Variants in PLEKHA7 observed in about 807,000 individuals in gnomAD.
PLEKHA7 encodes pleckstrin homology domain-containing family A member 7.
PLEKHA7 carries 104 observed loss-of-function variants against 170.0 expected under a neutral mutation model. The observed-to-expected ratio is 0.61, with a 90% CI of 0.52 to 0.72. The LOEUF (loss-of-function observed/expected upper bound fraction) is 0.72. PLEKHA7 is among the 30% of genes least tolerant of loss of function. The pLI is 0.00. For missense variants in PLEKHA7, 1,615 were observed against 1,671.7 expected (o/e 0.97, Z 0.59); for synonymous variants, 648 against 660.8 (o/e 0.98, Z 0.30).
At chr11:16,901,992 C>T (rs1038330455) in intron 3 of PLEKHA7, among the ~76,000 whole-genome samples, 21 of 152,312 alleles carry the variant, frequency 1.4e-4, no homozygotes, top group African/African-American at 3.1e-4. Flanking sequence ...TACTCTCTAG[C>T]GATCACCCCA....
chr11:16,830,366 G>A (rs1422031882), intron 9 of PLEKHA7, among the ~76,000 whole-genome samples: 1 of 152,172 alleles, frequency 6.6e-6, no homozygotes, highest in Non-Finnish European at 1.5e-5. Flanking sequence ...GAAGGCTCCA[G>A]CTGCCCTCTG....
chr11:16,821,080 C>A (rs1225660543), intron 10 of PLEKHA7, among the ~76,000 whole-genome samples: 1 of 152,194 alleles, frequency 6.6e-6, no homozygotes, highest in South Asian at 2.1e-4. Flanking sequence ...TGCTCTGTGG[C>A]CACAGGGACT....
chr11:16,833,577 T>G (rs1388158042), intron 9 of PLEKHA7, among the ~76,000 whole-genome samples: 1 of 152,146 alleles, frequency 6.6e-6, no homozygotes, highest in Non-Finnish European at 1.5e-5. Context: ...GGGAGATACA[T>G]TTTTTTAATG....
intron 15 of PLEKHA7, among the ~76,000 whole-genome samples, chr11:16,802,638 C>T (rs947667343): frequency 1.3e-5 from 2 of 152,038 alleles, no homozygotes; most frequent in African/African-American, 4.8e-5. Context: ...ACCTCTGCCT[C>T]CCGGGTTCAA....
intron 3 of PLEKHA7, among the ~76,000 whole-genome samples, chr11:17,000,474 C>A (rs577860710): frequency 1.3e-5 from 2 of 152,300 alleles, no homozygotes; most frequent in South Asian, 4.1e-4. Context: ...TGACATTTGG[C>A]ACCAATCATT....
intron 9 of PLEKHA7, among the ~76,000 whole-genome samples, chr11:16,833,062 T>C (rs1031581902): frequency 1.3e-5 from 2 of 152,154 alleles, no homozygotes; most frequent in African/African-American, 4.8e-5. Context: ...AGGAAGGAGA[T>C]AGCCAGGGAG....
intron 13 of PLEKHA7, among the ~76,000 whole-genome samples, chr11:16,812,659 G>A (rs1849454447): frequency 6.6e-6 from 1 of 152,176 alleles, no homozygotes; most frequent in Admixed American, 6.5e-5. Flanking sequence ...AAACCGAGAT[G>A]GGAGACTACC....
intron 3 of PLEKHA7, among the ~76,000 whole-genome samples, chr11:16,991,763 G>A (rs888167483): frequency 1.1e-4 from 16 of 152,136 alleles, no homozygotes; most frequent in Admixed American, 7.2e-4. Flanking sequence ...TGGTTCGAGC[G>A]GAGAGGTGCC....
At chr11:16,872,974 TC>T (rs201805383) in intron 3 of PLEKHA7, among the ~76,000 whole-genome samples, 2 of 152,058 alleles carry the variant, frequency 1.3e-5, no homozygotes, top group South Asian at 2.1e-4. Context: ...TTTAGGTGCC[TC>T]CCCCCCACTA....
intron 3 of PLEKHA7, among the ~76,000 whole-genome samples, chr11:16,919,271 C>T (rs1285625148): frequency 6.6e-6 from 1 of 152,196 alleles, no homozygotes; most frequent in Non-Finnish European, 1.5e-5. Flanking sequence ...TCATTGCACA[C>T]TTTGGGAAAC....
chr11:16,810,007 A>C (rs1849254608), intron 13 of PLEKHA7, among the ~76,000 whole-genome samples: 1 of 152,198 alleles, frequency 6.6e-6, no homozygotes. Flanking sequence ...GGAAGAAGTG[A>C]ATCTGGGCTT....
chr11:16,778,027 T>G lies in PLEKHA7; in HGVS notation c.*971A>C, dbSNP rs1168973523. 6.6e-6 allele frequency: 1 copy of G among 152,204 alleles called. No homozygotes were observed. The allele number at this position is 152,204 out of a possible 1,614,324, so 9.4% of individuals were successfully genotyped here. On this transcript the variant is annotated 3_prime_UTR_variant, in exon 27 of 27. Coordinates refer to ENST00000531066, the MANE Select transcript of PLEKHA7 (RefSeq NM_001329630.2). Reference sequence around the variant, plus strand: ...GCTCACGGCTGTAATCCCAACACTTTGGGATGCTGAAGCGGATGAATCACC... The same window carrying G: ...GCTCACGGCTGTAATCCCAACACTTGGGGATGCTGAAGCGGATGAATCACC...
chr11:16,869,381 C>T (rs1252966907), intron 4 of PLEKHA7, among the ~76,000 whole-genome samples: 1 of 152,338 alleles, frequency 6.6e-6, no homozygotes, highest in East Asian at 1.9e-4. Context: ...GCCTGGCTAA[C>T]CTGGGACGGC....
chr11:16,805,582 G>A (rs1848907326), intron 13 of PLEKHA7, among the ~76,000 whole-genome samples: 1 of 151,964 alleles, frequency 6.6e-6, no homozygotes, highest in Admixed American at 6.6e-5. Context: ...ATGAGGTCAG[G>A]AGTTCAAGAT....
intron 3 of PLEKHA7, among the ~76,000 whole-genome samples, chr11:16,934,322 C>T (rs1272892254): frequency 6.6e-6 from 1 of 152,150 alleles, no homozygotes; most frequent in Non-Finnish European, 1.5e-5. Context: ...AAATGCCAAC[C>T]TCGCTTGATA....
At chr11:16,914,177 A>C (rs1242205244) in intron 3 of PLEKHA7, among the ~76,000 whole-genome samples, 1 of 152,242 alleles carries the variant, frequency 6.6e-6, no homozygotes, top group African/African-American at 2.4e-5. Flanking sequence ...TGAAAAAAGA[A>C]GAAAGGGAAA....
At position 16,909,085 on chromosome 11, in the gene PLEKHA7, T is replaced by C. The variant is rs1386443157; in HGVS notation, c.222-37903A>G. Among the ~76,000 whole-genome samples the C allele has an allele frequency of 3.3e-5, 5 of 152,214 alleles. No individual in the cohort carries two copies. The East Asian group carries it at 9.6e-4, about 29-fold the overall frequency. On this transcript the variant is annotated intron_variant, in intron 3 of 26. Transcript: ENST00000531066. ...GGAGAAAATTACAGTACCATCTTTG[T>C]AGAGTTTCTGGGTGGATTAAATGAT...
chr11:16,803,438 G>T, intron 13 of PLEKHA7, 143 bp from the exon 14 acceptor site: 1 of 795,042 alleles, frequency 1.3e-6, no homozygotes, highest in Non-Finnish European at 2.0e-6. Flanking sequence ...CAAAAACTTG[G>T]GCCATACTTC....
intron 9 of PLEKHA7, among the ~76,000 whole-genome samples, chr11:16,838,700 T>C (rs539492526): frequency 1.4e-5 from 2 of 144,966 alleles, no homozygotes; most frequent in African/African-American, 5.0e-5. Context: ...TTTCTTTTTT[T>C]TTTTTTTTTT....
Sources: gnomAD v4.1 joint callset for allele counts (sites outside exome capture counted in the v4.1 genomes callset) on GRCh38, gnomAD v4.1.1 for gene constraint, MANE v1.5 for transcripts, NCBI Gene and HGNC (gene_info 2026-07-23, HGNC 2026-07-21) for gene names.